CASK: variants seen among roughly 807,000 people sequenced by gnomAD.
CASK encodes the protein calcium/calmodulin dependent serine protein kinase.
In CASK, 4 loss-of-function variants were observed where a neutral mutation model predicts 82.9. That is an observed-to-expected ratio of 0.05 (90% confidence interval 0.02 to 0.11). The LOEUF is 0.11. Among genes scored for constraint, CASK ranks in the 10% least tolerant of loss-of-function variants. CASK has a pLI of 1.00. For synonymous variants in CASK, 259 were observed against 253.5 expected, an observed-to-expected ratio of 1.02 and a Z score of -0.20; for missense variants, 358 against 720.9, an observed-to-expected ratio of 0.50 and a Z score of 5.76.
At chrX:41,740,470 T>TAAA (rs569748329) in intron 4 of CASK, among the ~76,000 whole-genome samples, 8 of 94,158 alleles carry the variant, frequency 8.5e-5, no homozygotes, top group African/African-American at 3.1e-4. Context: ...GACTCAGGAC[T>TAAA]AAAAAAAAAA....
At chrX:41,860,740 G>C (rs2071461266) in intron 1 of CASK, among the ~76,000 whole-genome samples, 1 of 111,971 alleles carries the variant, frequency 8.9e-6, no homozygotes, top group Admixed American at 9.5e-5. Context: ...AGTTGCTTTA[G>C]GTACAGTGAT....
chrX:41,604,974 T>C (rs1482634349), intron 12 of CASK, among the ~76,000 whole-genome samples: 2 of 112,497 alleles, frequency 1.8e-5, no homozygotes, highest in African/African-American at 3.2e-5. Flanking sequence ...TTAATGTAAA[T>C]GTTTCAGTTT....
At chrX:41,788,385 G>C (rs2069656338) in intron 2 of CASK, among the ~76,000 whole-genome samples, 1 of 111,429 alleles carries the variant, frequency 9.0e-6, no homozygotes, top group South Asian at 3.8e-4. Flanking sequence ...AAGCCATCCA[G>C]TGCTAATAGC....
At chrX:41,810,878 T>C (rs1188492154) in intron 2 of CASK, among the ~76,000 whole-genome samples, 8 of 111,085 alleles carry the variant, frequency 7.2e-5, no homozygotes, top group Non-Finnish European at 3.8e-5. Flanking sequence ...AAATAAAGGA[T>C]GGAGGAAGAT....
At chrX:41,803,444 T>C (rs1219311778) in intron 2 of CASK, among the ~76,000 whole-genome samples, 1 of 110,474 alleles carries the variant, frequency 9.1e-6, no homozygotes, top group Admixed American at 9.6e-5. Flanking sequence ...TAAAAAAAAT[T>C]AGCCAGGTGT....
At chrX:41,757,350 T>G (rs1360280830) in intron 3 of CASK, among the ~76,000 whole-genome samples, 1 of 111,387 alleles carries the variant, frequency 9.0e-6, no homozygotes, top group East Asian at 2.8e-4. Flanking sequence ...TTTCTTCACC[T>G]TTCCACCCAT....
intron 5 of CASK, among the ~76,000 whole-genome samples, chrX:41,736,222 C>T (rs1314731721): frequency 8.9e-6 from 1 of 112,253 alleles, no homozygotes; most frequent in East Asian, 2.8e-4. Flanking sequence ...ACACCGGGCG[C>T]GGTGGCTCAC....
At chrX:41,812,142 C>A (rs1178659818) in intron 2 of CASK, among the ~76,000 whole-genome samples, 2 of 111,708 alleles carry the variant, frequency 1.8e-5, no homozygotes, top group Non-Finnish European at 3.8e-5. Context: ...AGATTCACAG[C>A]CGAATTCTAC....
At chrX:41,837,843 T>C (rs982445661) in intron 2 of CASK, among the ~76,000 whole-genome samples, 1 of 111,928 alleles carries the variant, frequency 8.9e-6, no homozygotes, top group African/African-American at 3.2e-5. Flanking sequence ...TTCATTTCCT[T>C]AGGATGTACA....
chrX:41,702,497 C>T (rs2067817577), intron 5 of CASK, among the ~76,000 whole-genome samples: 1 of 108,845 alleles, frequency 9.2e-6, no homozygotes, highest in South Asian at 3.9e-4. Context: ...TGTGTGATGC[C>T]AAAGAAACAA....
rs1009339991 is a variant in CASK, at chrX:41,907,794, A to G, written c.59+15136T>C. Among the ~76,000 whole-genome samples the G allele has an allele frequency of 5.4e-5, 6 of 110,968 alleles. No homozygotes were observed. In the Admixed American group the frequency reaches 5.7e-4, roughly 11 times the overall value. On this transcript the variant is annotated intron_variant, in intron 1 of 26. Transcript: ENST00000378163. ...TGGCATCAGGGACCGGTTTTGTGGA[A>G]GACAATTTTTCCATGGACGATGGGG...
At chrX:41,797,325 AC>A (rs1387964977) in intron 2 of CASK, among the ~76,000 whole-genome samples, 1 of 108,699 alleles carries the variant, frequency 9.2e-6, no homozygotes. Context: ...TGCCTGGTAA[AC>A]CCCTACTTGT....
chrX:41,888,703 G>A (rs147382899), intron 1 of CASK, among the ~76,000 whole-genome samples: 4 of 100,058 alleles, frequency 4.0e-5, no homozygotes, highest in South Asian at 4.2e-4. Context: ...ATATATATAC[G>A]TATATATGTA....
At chrX:41,588,743 G>GAA (rs199898721) in intron 13 of CASK, among the ~76,000 whole-genome samples, 2 of 86,317 alleles carry the variant, frequency 2.3e-5, no homozygotes, top group Non-Finnish European at 2.4e-5. Flanking sequence ...ATCAAAAAAT[G>GAA]AAAAAAAAAA....
rs1347856993 is a variant in CASK at position 41,878,761 on chromosome X, C to A, written c.60-25534G>T. 2.7e-5 allele frequency among the ~76,000 whole-genome samples: 3 copies of A among 110,179 alleles called. No individual in the cohort carries two copies. In the Admixed American group the frequency reaches 2.9e-4, roughly 11 times the overall value. On this transcript the variant is annotated intron_variant, in intron 1 of 26. Coordinates refer to ENST00000378163, the MANE Select transcript of CASK (RefSeq NM_001367721.1). ...TTGGGGACTGGTGGGAGGGAAAGGTCGGGGGCGTGAGGGATAAAAGGCTAT... is the reference window on the plus strand; with the variant it reads ...TTGGGGACTGGTGGGAGGGAAAGGTAGGGGGCGTGAGGGATAAAAGGCTAT...
chrX:41,601,228 AC>A (rs890345066), intron 12 of CASK, among the ~76,000 whole-genome samples: 27 of 111,602 alleles, frequency 2.4e-4, no homozygotes, highest in African/African-American at 8.8e-4. Flanking sequence ...TGAACTGTAC[AC>A]TTAAACATGG....
chrX:41,614,147 A>C (rs1311103586), intron 11 of CASK, among the ~76,000 whole-genome samples: 1 of 111,648 alleles, frequency 9.0e-6, no homozygotes, highest in Non-Finnish European at 1.9e-5. Flanking sequence ...CGAGCTATAA[A>C]ACATTCCATT....
intron 1 of CASK, among the ~76,000 whole-genome samples, chrX:41,854,224 G>GCACACACACACACACACA (rs4007745): frequency 1.2e-5 from 1 of 81,718 alleles, no homozygotes. Context: ...GCGGGCGCGC[G>GCACACACACACACACACA]CACACACACA....
At chrX:41,902,619 A>G (rs538009876) in intron 1 of CASK, among the ~76,000 whole-genome samples, 10 of 112,255 alleles carry the variant, frequency 8.9e-5, no homozygotes, top group Middle Eastern at 4.6e-3. Flanking sequence ...AGTAATTAGG[A>G]TGTGTACATC....
Sources: allele counts gnomAD v4.1 joint callset (sites outside exome capture counted in the v4.1 genomes callset), GRCh38; gene constraint gnomAD v4.1.1; transcripts MANE v1.5; gene names NCBI Gene and HGNC (gene_info 2026-07-23, HGNC 2026-07-21).